TNS3: variants seen among roughly 807,000 people sequenced by gnomAD.
The protein encoded by TNS3 is tensin-3.
A neutral mutation model predicts 140.9 loss-of-function variants in TNS3; 45 were observed. That is an observed-to-expected ratio of 0.32 (90% CI 0.25 to 0.41). The LOEUF (loss-of-function observed/expected upper bound fraction) is 0.41, where lower values mean the gene tolerates loss of function less well. Ranked by LOEUF, TNS3 falls within the 10% of genes least tolerant of loss-of-function variation. TNS3 has a pLI of 1.00. For synonymous variants in TNS3, 815 were observed against 788.4 expected, an observed-to-expected ratio of 1.03 and a Z score of -0.56; for missense variants, 1,716 against 1,906.7, an observed-to-expected ratio of 0.90 and a Z score of 1.86.
At chr7:47,363,003 TC>T (rs1374410409) in intron 17 of TNS3, among the ~76,000 whole-genome samples, 8 of 149,506 alleles carry the variant, frequency 5.4e-5, no homozygotes, top group South Asian at 2.1e-4. Context: ...ATCATCACAG[TC>T]ATCACCATCA....
chr7:47,290,243 C>T (rs1042757866), intron 27 of TNS3, among the ~76,000 whole-genome samples: 4 of 152,154 alleles, frequency 2.6e-5, no homozygotes, highest in South Asian at 2.1e-4. Flanking sequence ...TAACTTAAAA[C>T]GGATCACAGA....
intron 1 of TNS3, among the ~76,000 whole-genome samples, chr7:47,545,986 G>A (rs762087928): frequency 5.1e-4 from 77 of 152,164 alleles, no homozygotes; most frequent in Non-Finnish European, 1.2e-4. Context: ...CTTCCCAGGA[G>A]CTCTGATTTG....
intron 16 of TNS3, among the ~76,000 whole-genome samples, chr7:47,393,357 AG>A (rs1562682310): frequency 6.6e-6 from 1 of 152,136 alleles, no homozygotes; most frequent in Non-Finnish European, 1.5e-5. Flanking sequence ...GTGGGGATGG[AG>A]GGTCAGGAGG....
chr7:47,524,836 A>AAAAAAAT, intron 2 of TNS3, among the ~76,000 whole-genome samples: 1 of 147,678 alleles, frequency 6.8e-6, no homozygotes, highest in South Asian at 2.2e-4. Context: ...AAAAAAAAAA[A>AAAAAAAT]GGCAATGGGA....
At chr7:47,578,518 G>A (rs1182449702) in intron 1 of TNS3, among the ~76,000 whole-genome samples, 1 of 150,108 alleles carries the variant, frequency 6.7e-6, no homozygotes, top group African/African-American at 2.4e-5. Flanking sequence ...ACAGGTGAGG[G>A]ATACCAGGTA....
chr7:47,488,387 A>C (rs1383029108), intron 3 of TNS3, among the ~76,000 whole-genome samples: 2 of 152,154 alleles, frequency 1.3e-5, no homozygotes, highest in Non-Finnish European at 2.9e-5. Context: ...CTGACACCAC[A>C]GCCGTTTATC....
At chr7:47,430,629 A>G (rs1158656272) in intron 8 of TNS3, among the ~76,000 whole-genome samples, 1 of 152,184 alleles carries the variant, frequency 6.6e-6, no homozygotes, top group African/African-American at 2.4e-5. Context: ...CATTCTTCTG[A>G]AGTGCACACA....
intron 1 of TNS3, among the ~76,000 whole-genome samples, chr7:47,558,476 A>G (rs1208529039): frequency 2.6e-5 from 4 of 151,948 alleles, no homozygotes; most frequent in African/African-American, 9.7e-5. Context: ...CCAACTTCAA[A>G]GAGGCCGACC....
intron 10 of TNS3, among the ~76,000 whole-genome samples, chr7:47,421,686 C>T (rs993931969): frequency 2.6e-5 from 4 of 152,184 alleles, no homozygotes; most frequent in African/African-American, 9.7e-5. Context: ...GGAGGCCACA[C>T]TGGGGTGTCA....
At chr7:47,569,725 T>C (rs1003004611) in intron 1 of TNS3, among the ~76,000 whole-genome samples, 3 of 149,096 alleles carry the variant, frequency 2.0e-5, no homozygotes, top group African/African-American at 7.5e-5. Context: ...GTGGTGATGG[T>C]CATCTGTAAT....
chr7:47,453,055 G>C (rs998912382), intron 4 of TNS3: 10 of 985,284 alleles, frequency 1.0e-5, no homozygotes, highest in Non-Finnish European at 1.2e-5. Context: ...TTAATGTCTC[G>C]GCAGCTCTGG....
intron 1 of TNS3, among the ~76,000 whole-genome samples, chr7:47,568,369 C>T (rs1800476489): frequency 6.6e-6 from 1 of 152,124 alleles, no homozygotes; most frequent in Non-Finnish European, 1.5e-5. Context: ...GAGGCGTGAT[C>T]GGAAGCCCCT....
chr7:47,377,912 G>A (rs957862395), intron 16 of TNS3, among the ~76,000 whole-genome samples: 11 of 151,774 alleles, frequency 7.2e-5, no homozygotes, highest in Admixed American at 1.3e-4. Context: ...CACATAAAGC[G>A]TCTTTTGACA....
At chr7:47,515,255 A>G (rs1358493764) in intron 2 of TNS3, among the ~76,000 whole-genome samples, 1 of 152,214 alleles carries the variant, frequency 6.6e-6, no homozygotes, top group Admixed American at 6.5e-5. Flanking sequence ...TCCAAGAATG[A>G]GCCAGAAAAG....
At chr7:47,385,440 G>A (rs558604533) in intron 16 of TNS3, among the ~76,000 whole-genome samples, 2 of 152,306 alleles carry the variant, frequency 1.3e-5, no homozygotes, top group South Asian at 4.1e-4. Flanking sequence ...GCACGGAGCT[G>A]TGCCATCCAA....
At chr7:47,356,711 T>C (rs1428210660) in intron 17 of TNS3, among the ~76,000 whole-genome samples, 1 of 152,210 alleles carries the variant, frequency 6.6e-6, no homozygotes, top group Non-Finnish European at 1.5e-5. Context: ...TCCCTATGTA[T>C]AGATATAACA....
intron 16 of TNS3, among the ~76,000 whole-genome samples, chr7:47,396,314 C>A (rs545701792): frequency 6.6e-6 from 1 of 152,146 alleles, no homozygotes; most frequent in Admixed American, 6.6e-5. Flanking sequence ...TTGGGTGAGA[C>A]GGTTTCACGA....
chr7:47,404,014 T>A (rs576371132), intron 13 of TNS3, among the ~76,000 whole-genome samples: 3 of 152,382 alleles, frequency 2.0e-5, no homozygotes, highest in African/African-American at 7.2e-5. Flanking sequence ...GGCTTTAACT[T>A]TATTTACCTG....
At chr7:47,549,320 G>A (rs1451657378) in intron 1 of TNS3, among the ~76,000 whole-genome samples, 1 of 152,124 alleles carries the variant, frequency 6.6e-6, no homozygotes, top group African/African-American at 2.4e-5. Flanking sequence ...GTGAAACCCT[G>A]TCTCTACTAA....
Sources: allele counts gnomAD v4.1 joint callset (sites outside exome capture counted in the v4.1 genomes callset), GRCh38; gene constraint gnomAD v4.1.1; transcripts MANE v1.5; gene names NCBI Gene and HGNC (gene_info 2026-07-23, HGNC 2026-07-21).